The following SERPINI1 variants were observed in gnomAD, a reference collection of about 807,000 sequenced individuals.
SERPINI1 encodes neuroserpin.
SERPINI1 carries 19 observed loss-of-function variants against 41.1 expected under a neutral mutation model. That is an observed-to-expected ratio of 0.46 (90% CI 0.32 to 0.68). SERPINI1 has a LOEUF of 0.68. Ranked by LOEUF, SERPINI1 falls within the 30% of genes least tolerant of loss-of-function variation. The pLI is 0.03. For missense variants in SERPINI1, 460 were observed against 479.2 expected, an observed-to-expected ratio of 0.96 and a Z score of 0.37; for synonymous variants, 138 against 156.6, an observed-to-expected ratio of 0.88 and a Z score of 0.89.
chr3:167,746,697 A>C (rs1043419767), intron 1 of SERPINI1, among the ~76,000 whole-genome samples: 1 of 152,244 alleles, frequency 6.6e-6, no homozygotes, highest in South Asian at 2.1e-4. Flanking sequence ...TCAAAACCAC[A>C]GTGAGCTACT....
intron 1 of SERPINI1, among the ~76,000 whole-genome samples, chr3:167,775,254 T>C (rs1006760300): frequency 6.8e-6 from 1 of 146,632 alleles, no homozygotes; most frequent in African/African-American, 2.5e-5. Context: ...TTATTATTAT[T>C]ATTATTATTA....
intron 1 of SERPINI1, among the ~76,000 whole-genome samples, chr3:167,753,913 T>TA (rs565530654): frequency 1.0e-3 from 154 of 152,352 alleles, no homozygotes; most frequent in Non-Finnish European, 1.7e-3. Context: ...GTGTGCTTGA[T>TA]AGAGTGTCTC....
intron 1 of SERPINI1, among the ~76,000 whole-genome samples, chr3:167,765,746 C>T (rs1182031264): frequency 6.6e-6 from 1 of 152,178 alleles, no homozygotes; most frequent in Non-Finnish European, 1.5e-5. Context: ...TTATAAAACT[C>T]AATGCCTTTA....
chr3:167,754,017 A>G (rs1281976401), intron 1 of SERPINI1, among the ~76,000 whole-genome samples: 1 of 152,178 alleles, frequency 6.6e-6, no homozygotes, highest in East Asian at 1.9e-4. Context: ...TTATTCTCCA[A>G]AATCATGTAT....
At chr3:167,764,980 T>A (rs1235305537) in intron 1 of SERPINI1, among the ~76,000 whole-genome samples, 2 of 152,232 alleles carry the variant, frequency 1.3e-5, no homozygotes, top group Non-Finnish European at 2.9e-5. Flanking sequence ...TCTCATTGTC[T>A]TGGGCAGCTC....
At chr3:167,797,119 G>A (rs1727743027) in intron 5 of SERPINI1, among the ~76,000 whole-genome samples, 1 of 152,122 alleles carries the variant, frequency 6.6e-6, no homozygotes, top group Non-Finnish European at 1.5e-5. Context: ...CAGTGATGTT[G>A]AGCTGTTTTT....
chr3:167,792,478 G>A, intron 3 of SERPINI1, 112 bp from the exon 4 acceptor site: 1 of 755,474 alleles, frequency 1.3e-6, no homozygotes, highest in Non-Finnish European at 2.2e-6. Context: ...TTGTAAATTT[G>A]GTGTACAGTT....
At chr3:167,773,400 A>G (rs527412464) in intron 1 of SERPINI1, among the ~76,000 whole-genome samples, 1 of 151,090 alleles carries the variant, frequency 6.6e-6, no homozygotes, top group South Asian at 2.1e-4. Flanking sequence ...TGCCTTGTGA[A>G]GAACTACAAT....
chr3:167,785,594 A>T (rs1428438190), intron 1 of SERPINI1, among the ~76,000 whole-genome samples: 2 of 152,232 alleles, frequency 1.3e-5, no homozygotes, highest in Non-Finnish European at 2.9e-5. Flanking sequence ...AATGGAGATA[A>T]TAAGTGTCTG....
At chr3:167,744,872 T>C (rs1387833108) in intron 1 of SERPINI1, among the ~76,000 whole-genome samples, 3 of 136,638 alleles carry the variant, frequency 2.2e-5, no homozygotes, top group African/African-American at 8.2e-5. Context: ...TATATAAATA[T>C]ATATATATCA....
intron 1 of SERPINI1, among the ~76,000 whole-genome samples, chr3:167,771,422 TG>T (rs1726744698): frequency 6.6e-6 from 1 of 152,232 alleles, no homozygotes; most frequent in Non-Finnish European, 1.5e-5. Flanking sequence ...TGTATACGAA[TG>T]TATATTATGT....
intron 6 of SERPINI1, among the ~76,000 whole-genome samples, chr3:167,818,885 T>G (rs1712218178): frequency 6.6e-6 from 1 of 152,222 alleles, no homozygotes; most frequent in Non-Finnish European, 1.5e-5. Flanking sequence ...TGCAAATTGA[T>G]GTAGTTGGAA....
At chr3:167,772,881 TATATATATATATACACAC>T (rs1726824122) in intron 1 of SERPINI1, among the ~76,000 whole-genome samples, 1 of 68,716 alleles carries the variant, frequency 1.5e-5, no homozygotes, top group Admixed American at 1.7e-4. Flanking sequence ...TATATATATA[TATATATATATATACACAC>T]ACACACACAC....
At chr3:167,800,832 A>G (rs1326581225) in intron 5 of SERPINI1, among the ~76,000 whole-genome samples, 3 of 133,898 alleles carry the variant, frequency 2.2e-5, no homozygotes, top group Non-Finnish European at 4.6e-5. Context: ...TTTTAGACAG[A>G]ATCTCACTCT....
intron 1 of SERPINI1, among the ~76,000 whole-genome samples, chr3:167,747,328 C>T (rs1217572958): frequency 6.6e-6 from 1 of 152,112 alleles, no homozygotes; most frequent in Non-Finnish European, 1.5e-5. Flanking sequence ...GTGATGGCTG[C>T]ACAGCTTGAT....
chr3:167,803,160 A>T (rs1711507762), intron 5 of SERPINI1, among the ~76,000 whole-genome samples: 1 of 151,914 alleles, frequency 6.6e-6, no homozygotes, highest in African/African-American at 2.4e-5. Flanking sequence ...TAGCATTGGG[A>T]TATATACCTA....
rs576036585 is a variant in SERPINI1 at position 167,801,114 on chromosome 3, G to A, written c.882-6130G>A. On this transcript the variant is annotated intron_variant, in intron 5 of 8. Transcript: ENST00000446050. ...ATTACAGGCATGGGCCACTGCACCC[G>A]GCCCTGATTTTGTTTTTTAACATGA... 4.6e-5 allele frequency among the ~76,000 whole-genome samples: 7 copies of A among 152,294 alleles called. No homozygotes were observed. The South Asian group carries it at 1.0e-3, about 23-fold the overall frequency.
intron 5 of SERPINI1, among the ~76,000 whole-genome samples, chr3:167,806,599 GT>G (rs1174179882): frequency 6.6e-6 from 1 of 152,128 alleles, no homozygotes; most frequent in East Asian, 1.9e-4. Flanking sequence ...ACAGGTTTAT[GT>G]TTTAGAGATC....
intron 1 of SERPINI1, among the ~76,000 whole-genome samples, chr3:167,737,487 A>T (rs1725514427): frequency 6.6e-6 from 1 of 152,154 alleles, no homozygotes; most frequent in African/African-American, 2.4e-5. Flanking sequence ...GGGGTAAAAA[A>T]AAAAGTGGGT....
Sources: gnomAD v4.1 joint callset for allele counts (sites outside exome capture counted in the v4.1 genomes callset) on GRCh38, gnomAD v4.1.1 for gene constraint, MANE v1.5 for transcripts, NCBI Gene and HGNC (gene_info 2026-07-23, HGNC 2026-07-21) for gene names.